Variants in SCARB1 observed in about 807,000 individuals in gnomAD.
The protein encoded by SCARB1 is CD36 and LIMPII analogous 1.
A neutral mutation model predicts 57.2 loss-of-function variants in SCARB1; 30 were observed. The ratio of observed to expected loss-of-function variants is 0.52; its 90% CI spans 0.39 to 0.71. SCARB1 has a LOEUF of 0.71. SCARB1 is among the 30% of genes least tolerant of loss of function. The pLI is 0.00. For synonymous variants in SCARB1, 249 were observed against 268.3 expected, an observed-to-expected ratio of 0.93 and a Z score of 0.70; for missense variants, 543 against 671.2, an observed-to-expected ratio of 0.81 and a Z score of 2.11.
rs572038864 is a variant in SCARB1, at chr12:124,800,941, C to T, written c.1010-699G>A. 3.9e-5 allele frequency among the ~76,000 whole-genome samples: 6 copies of T among 152,328 alleles called. No individual in the cohort carries two copies. In the South Asian group the frequency reaches 6.2e-4, roughly 16 times the overall value. ...AGCTCACGAGGGCCAGGCGCCATGG[C>T]TTACACCTGTAATCCCAACACTTTG... On this transcript the variant is annotated intron_variant, in intron 7 of 12. Coordinates refer to ENST00000261693, the MANE Select transcript of SCARB1 (RefSeq NM_005505.5). The surrounding 1 kb of genome is among the most constrained non-coding windows in gnomAD (Gnocchi z 4.8).
chr12:124,858,163 G>A (rs750938893), intron 1 of SCARB1, among the ~76,000 whole-genome samples: 14 of 152,068 alleles, frequency 9.2e-5, no homozygotes, highest in Non-Finnish European at 1.9e-4. Context: ...ACACACACAC[G>A]TGCACACATG....
At chr12:124,832,602 A>G (rs1951451096) in intron 1 of SCARB1, among the ~76,000 whole-genome samples, 2 of 152,200 alleles carry the variant, frequency 1.3e-5, no homozygotes, top group African/African-American at 2.4e-5. Context: ...GGGCCAAATC[A>G]GTGCCTCACC....
At chr12:124,785,920 T>G in intron 11 of SCARB1, 1 of 735,376 alleles carries the variant, frequency 1.4e-6, no homozygotes, top group Non-Finnish European at 2.1e-6. Flanking sequence ...TCTTTTCTGC[T>G]GATTTACTTG....
In SCARB1 at chr12:124,814,338, G is replaced by A. The variant is rs774188403; in HGVS notation, c.494C>T (p.Thr165Ile). Residue 165 changes from threonine to isoleucine, a missense_variant, in exon 4 of 13, where the codon ACC becomes ATC. Transcript: ENST00000261693. The surrounding 1 kb of genome is among the most constrained non-coding windows in gnomAD (Gnocchi z 4.7). The stretch of plus-strand genomic sequence containing the variant: ...GTTCATGAAGGCACGTTCGCCGAGG[G>A]TGGTGAATGCCAAGGTCATGATGAG... ...LKLIMTLAFT[T>I]LGERAFMNRT... 3.7e-6 allele frequency: 6 copies of A among 1,614,172 alleles called. No individual in the cohort carries two copies. Among genetic ancestry groups the A allele is most frequent in the Non-Finnish European group, 5.1e-6 (6 of 1,180,032 alleles).
chr12:124,805,009 C>T (rs1011569070), intron 7 of SCARB1, among the ~76,000 whole-genome samples: 10 of 152,134 alleles, frequency 6.6e-5, no homozygotes, highest in Non-Finnish European at 1.5e-4. Flanking sequence ...AAGAATAAAA[C>T]CAACAAGAGG....
chr12:124,783,850 C>T (rs1949411574), intron 11 of SCARB1: 1 of 152,128 alleles, frequency 6.6e-6, no homozygotes, highest in African/African-American at 2.4e-5. Flanking sequence ...CATCAAAACA[C>T]ACATAATGGG....
intron 6 of SCARB1, among the ~76,000 whole-genome samples, chr12:124,809,069 A>G (rs7306510): frequency 0.072 from 10,952 of 152,200 alleles, 462 homozygotes; most frequent in South Asian, 0.11. Flanking sequence ...TGATAACAGC[A>G]TTATGGTTAT....
intron 1 of SCARB1, among the ~76,000 whole-genome samples, chr12:124,838,516 A>G (rs1358190265): frequency 6.6e-6 from 1 of 152,082 alleles, no homozygotes. Flanking sequence ...AAGGTCTTGT[A>G]AAATAGGGCA....
chr12:124,780,973 A>G (rs1230722789), intron 12 of SCARB1, among the ~76,000 whole-genome samples: 1 of 152,208 alleles, frequency 6.6e-6, no homozygotes, highest in African/African-American at 2.4e-5. Context: ...GCACAGCACT[A>G]CGGTGTCCTG....
In SCARB1 at chr12:124,817,088, A is replaced by ATG. The variant is rs200918605; in HGVS notation, c.284+460_284+461dup. ...TGTGTAGGTACATGTGTGTGTATGT[A>ATG]TGTGTGTGTGTATGTGTATGTACGT... On this transcript the variant is annotated intron_variant, in intron 2 of 12. Transcript: ENST00000261693. This position sits in a 1 kb window ranked among gnomAD's most constrained non-coding sequence, Gnocchi z 4.8. Among the ~76,000 whole-genome samples the ATG allele has an allele frequency of 2.1e-4, 31 of 145,506 alleles. No homozygotes were observed. Among genetic ancestry groups the ATG allele is most frequent in the African/African-American group, 5.1e-4 (19 of 37,346 alleles).
chr12:124,807,052 T>A lies in SCARB1; in HGVS notation c.1009+709A>T, dbSNP rs899234734. On this transcript the variant is annotated intron_variant, in intron 7 of 12. Transcript: ENST00000261693. This position sits in a 1 kb window ranked among gnomAD's most constrained non-coding sequence, Gnocchi z 5.3. ...CCATCTCTACCAAAAATACAAAAAA[T>A]TAGCCAGGTGTGGTGGTGCACGCCT... Among the ~76,000 whole-genome samples, 2 of 151,866 alleles carry A rather than the reference T, an allele frequency of 1.3e-5. No individual in the cohort carries two copies. Among genetic ancestry groups the A allele is most frequent in the African/African-American group, 2.4e-5 (1 of 41,330 alleles).
chr12:124,857,136 G>T (rs1952670717), intron 1 of SCARB1, among the ~76,000 whole-genome samples: 1 of 152,152 alleles, frequency 6.6e-6, no homozygotes, highest in South Asian at 2.1e-4. Flanking sequence ...AGTGCGCAGA[G>T]GCCACCGGGA....
At position 124,777,854 on chromosome 12, in the gene SCARB1, CAG is replaced by C. The variant is rs1414434030; in HGVS notation, c.*731_*732del. On this transcript the variant is annotated 3_prime_UTR_variant, in exon 13 of 13. Transcript: ENST00000261693. ...GGGCACAGCCTGCGGCCACTTCGGC[CAG>C]AGAGTGGCCGGCTCAGTCCATAGGA... The C allele has an allele frequency of 6.6e-6, 1 of 152,360 alleles. No individual in the cohort carries two copies. Among genetic ancestry groups the C allele is most frequent in the East Asian group, 1.9e-4 (1 of 5,186 alleles). The allele number at this position is 152,360 out of a possible 1,614,324, so 9.4% of individuals were successfully genotyped here.
chr12:124,863,823 G>A lies in SCARB1; in HGVS notation c.-103C>T. On this transcript the variant is annotated 5_prime_UTR_variant, in exon 1 of 13. Transcript: ENST00000261693. ...ACAGGCGGGGACTCCGGGCACGCAG[G>A]CCGCAGAGGCACGGTGGATCCGGGA... is the stretch of plus-strand genomic sequence containing the variant. 1 of 1,314,574 alleles carries A rather than the reference G, an allele frequency of 7.6e-7. No individual in the cohort carries two copies. Among genetic ancestry groups the A allele is most frequent in the Non-Finnish European group, 9.8e-7 (1 of 1,022,032 alleles). The allele number at this position is 1,314,574 out of a possible 1,614,324, so 81.4% of individuals were successfully genotyped here.
At chr12:124,851,146 C>T (rs1403716359) in intron 1 of SCARB1, among the ~76,000 whole-genome samples, 1 of 152,224 alleles carries the variant, frequency 6.6e-6, no homozygotes, top group Non-Finnish European at 1.5e-5. Flanking sequence ...CTTTAATTCT[C>T]CTTCAATATC....
chr12:124,790,976 G>T (rs780204774), intron 9 of SCARB1, among the ~76,000 whole-genome samples: 1 of 152,238 alleles, frequency 6.6e-6, no homozygotes, highest in Non-Finnish European at 1.5e-5. Context: ...AAGTAATGTG[G>T]TTTATACTGA....
chr12:124,809,420 T>C (rs1234464808), intron 6 of SCARB1, among the ~76,000 whole-genome samples: 3 of 152,126 alleles, frequency 2.0e-5, no homozygotes, highest in Non-Finnish European at 4.4e-5. Context: ...TCCCCATCTC[T>C]AAAAAATTAA....
chr12:124,848,639 C>T (rs1952259801), intron 1 of SCARB1, among the ~76,000 whole-genome samples: 1 of 152,216 alleles, frequency 6.6e-6, no homozygotes. Context: ...GAAAATAGAA[C>T]CTTGGGTGAT....
intron 8 of SCARB1, among the ~76,000 whole-genome samples, chr12:124,797,812 G>C (rs895522809): frequency 1.3e-5 from 2 of 152,220 alleles, no homozygotes; most frequent in Admixed American, 6.5e-5. Context: ...AGGAGGCCTG[G>C]GAGGACAAAG....
Sources: allele counts gnomAD v4.1 joint callset (sites outside exome capture counted in the v4.1 genomes callset), GRCh38; gene constraint gnomAD v4.1.1; non-coding constraint Gnocchi (gnomAD v3.1); transcripts MANE v1.5; gene names NCBI Gene and HGNC (gene_info 2026-07-23, HGNC 2026-07-21).